The following CNTN6 variants were observed in gnomAD, a reference collection of about 807,000 sequenced individuals.
CNTN6 encodes the protein contactin-6.
Under a neutral mutation model 122.8 loss-of-function variants are expected in CNTN6, and 137 were observed. The observed-to-expected ratio is 1.12, with a 90% CI of 0.97 to 1.29. CNTN6 has a LOEUF of 1.29. Ranked by LOEUF, CNTN6 falls within the 50% of genes most tolerant of loss-of-function variation. The pLI is 0.00. For missense variants in CNTN6, 1,634 were observed against 1,223.4 expected, an observed-to-expected ratio of 1.34 and a Z score of -5.01; for synonymous variants, 570 against 426.0, an observed-to-expected ratio of 1.34 and a Z score of -4.16.
intron 2 of CNTN6, among the ~76,000 whole-genome samples, chr3:1,191,739 T>C (rs1239106223): frequency 1.3e-5 from 2 of 152,172 alleles, no homozygotes; most frequent in Non-Finnish European, 2.9e-5. Context: ...CTTGTGGGAT[T>C]GAACTCCTAA....
Position 1,384,796 on chromosome 3 carries a change from T to TATATAC in CNTN6, c.2518-814_2518-813insTATACA, listed in dbSNP as rs1224742660. On this transcript the variant is annotated intron_variant, in intron 19 of 22. Coordinates refer to ENST00000446702, the MANE Select transcript of CNTN6 (RefSeq NM_001289080.2). ...ACATATATATATATATATATATATA[T>TATATAC]ACACACACACACACACATATATATA... Among the ~76,000 whole-genome samples the TATATAC allele has an allele frequency of 2.0e-4, 27 of 133,798 alleles. 2 individuals carry two copies. The East Asian group carries it at 3.3e-3, about 17-fold the overall frequency. The allele number at this position is 133,798 out of a possible 152,430, so 87.8% of individuals were successfully genotyped here. A position where few individuals can be genotyped will look rare whatever the true frequency, so the allele number is the denominator to read the frequency against.
intron 7 of CNTN6, among the ~76,000 whole-genome samples, chr3:1,319,152 T>G (rs1201597129): frequency 1.3e-5 from 2 of 151,596 alleles, no homozygotes; most frequent in African/African-American, 4.8e-5. Context: ...AACAAATACC[T>G]AGGCTTCAAG....
intron 11 of CNTN6, among the ~76,000 whole-genome samples, chr3:1,331,092 G>C (rs188364789): frequency 6.6e-6 from 1 of 151,942 alleles, no homozygotes; most frequent in Non-Finnish European, 1.5e-5. Context: ...ACAAACAAAA[G>C]CAGGGGTCTC....
At chr3:1,208,008 G>A (rs1042678871) in intron 2 of CNTN6, among the ~76,000 whole-genome samples, 1 of 151,772 alleles carries the variant, frequency 6.6e-6, no homozygotes, top group African/African-American at 2.4e-5. Flanking sequence ...TTGGTATTGT[G>A]CCTACATACT....
intron 1 of CNTN6, among the ~76,000 whole-genome samples, chr3:1,111,820 A>G (rs2091493689): frequency 6.6e-6 from 1 of 152,138 alleles, no homozygotes; most frequent in Admixed American, 6.6e-5. Context: ...ATCTTATTCC[A>G]AGTTTTGAAA....
intron 1 of CNTN6, among the ~76,000 whole-genome samples, chr3:1,132,080 A>G (rs1304867669): frequency 2.0e-5 from 3 of 152,118 alleles, no homozygotes; most frequent in Admixed American, 1.3e-4. Flanking sequence ...TAGTTTATTT[A>G]TATGCGTACA....
chr3:1,213,079 A>C (rs575794904), intron 2 of CNTN6, among the ~76,000 whole-genome samples: 3 of 152,302 alleles, frequency 2.0e-5, no homozygotes, highest in Admixed American at 1.3e-4. Flanking sequence ...TGCATCTCAC[A>C]AAAGGCATCA....
intron 7 of CNTN6, among the ~76,000 whole-genome samples, chr3:1,302,938 T>TA (rs1281355196): frequency 2.7e-5 from 2 of 73,178 alleles, no homozygotes; most frequent in South Asian, 1.8e-3. Context: ...TTAATCTTTT[T>TA]AAAATTTTTA....
chr3:1,238,139 G>A (rs545839169), intron 4 of CNTN6, among the ~76,000 whole-genome samples: 6 of 152,046 alleles, frequency 3.9e-5, no homozygotes, highest in Admixed American at 3.3e-4. Context: ...TAAAAAATAC[G>A]GAATGGCAGA....
chr3:1,244,716 AAG>A (rs1338602697), intron 4 of CNTN6, among the ~76,000 whole-genome samples: 21 of 152,230 alleles, frequency 1.4e-4, no homozygotes, highest in South Asian at 2.1e-4. Flanking sequence ...TGAGTCCGAA[AAG>A]AGAGTCAGCG....
intron 2 of CNTN6, among the ~76,000 whole-genome samples, chr3:1,206,882 G>A (rs2093965106): frequency 1.3e-5 from 2 of 152,050 alleles, no homozygotes; most frequent in Admixed American, 6.6e-5. Flanking sequence ...CACTCTCATA[G>A]GACACTCCTA....
intron 1 of CNTN6, among the ~76,000 whole-genome samples, chr3:1,141,675 C>T (rs759287213): frequency 2.6e-5 from 4 of 152,126 alleles, no homozygotes; most frequent in Non-Finnish European, 5.9e-5. Flanking sequence ...GCACATAATT[C>T]TCCAGCGTCC....
Position 1,295,661 on chromosome 3 carries a change from G to A in CNTN6, c.515G>A (p.Arg172Gln), listed in dbSNP as rs774492055. The change falls in exon 6 of 23, where the codon CGA becomes CAA. Residue 172 changes from arginine (R) to glutamine (Q), a missense_variant. Transcript: ENST00000446702. ...TTATACGTCCAAGAGGACAATAGGCGATTTGTATCTCAAGAGACGGGAAAC... is the reference window on the plus strand; with the variant it reads ...TTATACGTCCAAGAGGACAATAGGCAATTTGTATCTCAAGAGACGGGAAAC... The part of the protein sequence containing the change: ...NPLYVQEDNR[R>Q]FVSQETGNLY... The A allele has an allele frequency of 2.5e-5, 40 of 1,613,838 alleles. No homozygotes were observed. Among genetic ancestry groups the A allele is most frequent in the South Asian group, 1.8e-4 (16 of 91,088 alleles).
chr3:1,355,915 A>G (rs978012886), intron 12 of CNTN6, among the ~76,000 whole-genome samples: 58 of 151,942 alleles, frequency 3.8e-4, no homozygotes, highest in African/African-American at 1.3e-3. Flanking sequence ...TCTGCACTGT[A>G]TGTTGGAAAT....
rs267599619 is a variant in CNTN6, at chr3:1,352,340, G to T, written c.1381G>T (p.Asp461Tyr). 1.3e-6 allele frequency: 2 copies of T among 1,529,646 alleles called. No individual in the cohort carries two copies. Among genetic ancestry groups the T allele is most frequent in the Non-Finnish European group, 1.8e-6 (2 of 1,130,190 alleles). 94.8% of individuals were successfully genotyped at this position (1,529,646 alleles called of 1,614,324 possible). Residue 461 changes from aspartate to tyrosine, a missense_variant, in exon 12 of 23, where the codon GAT becomes TAT. Physicochemically the swap from Asp to Tyr is radical, Grantham distance 160. Transcript: ENST00000446702. ...TCTTTTTAGAATATTTCTCTTGGAG[G>T]ATGGCAGCCTCAAGATATATAATAT... is the stretch of plus-strand genomic sequence containing the variant. ...RQSKRIFLLE[D>Y]GSLKIYNITR...
rs1696034905 is a variant in CNTN6, at chr3:1,403,948, T to G, written c.*530T>G. ...AGAAATCTTTTTACTCAAGAATATT[T>G]CAATATACATGATGTTCTTCTCAGC... On this transcript the variant is annotated 3_prime_UTR_variant, in exon 23 of 23. Transcript: ENST00000446702. 2 of 152,166 alleles carry G rather than the reference T, an allele frequency of 1.3e-5. No homozygotes were observed. Among genetic ancestry groups the G allele is most frequent in the African/African-American group, 4.8e-5 (2 of 41,444 alleles). The allele number at this position is 152,166 out of a possible 1,614,324, so 9.4% of individuals were successfully genotyped here. A position where few individuals can be genotyped will look rare whatever the true frequency, so the allele number is the denominator to read the frequency against.
At chr3:1,288,574 A>G (rs569726870) in intron 5 of CNTN6, among the ~76,000 whole-genome samples, 1 of 152,316 alleles carries the variant, frequency 6.6e-6, no homozygotes, top group South Asian at 2.1e-4. Context: ...TCTGAACACT[A>G]TACTTCAAGT....
chr3:1,349,090 A>C (rs903462520), intron 11 of CNTN6, among the ~76,000 whole-genome samples: 1 of 151,908 alleles, frequency 6.6e-6, no homozygotes, highest in African/African-American at 2.4e-5. Flanking sequence ...ATATCTTAAC[A>C]TTGCTCCAGT....
chr3:1,294,763 T>C (rs886598669), intron 5 of CNTN6, among the ~76,000 whole-genome samples: 1 of 152,194 alleles, frequency 6.6e-6, no homozygotes, highest in Non-Finnish European at 1.5e-5. Flanking sequence ...TTCTTAGAAG[T>C]CTTTTCTGAT....
Sources: allele counts gnomAD v4.1 joint callset (sites outside exome capture counted in the v4.1 genomes callset), GRCh38; gene constraint gnomAD v4.1.1; transcripts MANE v1.5; gene names NCBI Gene and HGNC (gene_info 2026-07-23, HGNC 2026-07-21).